Variants in RNF6 observed in about 807,000 individuals in gnomAD.
RNF6 encodes E3 ubiquitin-protein ligase RNF6.
In RNF6, 21 loss-of-function variants were observed where a neutral mutation model predicts 50.1. The observed-to-expected ratio is 0.42, with a 90% confidence interval of 0.30 to 0.60. The LOEUF (loss-of-function observed/expected upper bound fraction) is 0.60, where lower values mean the gene tolerates loss of function less well. RNF6 is among the 20% of genes least tolerant of loss of function. The pLI is 0.20. For synonymous variants in RNF6, 255 were observed against 291.8 expected (o/e 0.87, Z 1.29); for missense variants, 698 against 838.2 (o/e 0.83, Z 2.07).
chr13:26,206,212 G>A (rs554312819), intron 5 of RNF6, among the ~76,000 whole-genome samples: 2 of 118,016 alleles, frequency 1.7e-5, no homozygotes, highest in East Asian at 2.7e-4. Context: ...ACTGCCCCCC[G>A]TCCCTGCTGG....
intron 5 of RNF6, among the ~76,000 whole-genome samples, chr13:26,188,623 C>CTTTTTTTTTTTTTTTTTTTTTT (rs1163881143): frequency 2.3e-5 from 1 of 43,258 alleles, no homozygotes; most frequent in Non-Finnish European, 3.9e-5. Flanking sequence ...GTCAAAAGAG[C>CTTTTTTTTTTTTTTTTTTTTTT]TTTTTTTTTT....
intron 5 of RNF6, among the ~76,000 whole-genome samples, chr13:26,173,103 C>T (rs943722213): frequency 3.9e-5 from 6 of 152,138 alleles, no homozygotes; most frequent in Non-Finnish European, 8.8e-5. Context: ...GGCAAGACCA[C>T]GGTGAGGTAG....
intron 5 of RNF6, among the ~76,000 whole-genome samples, chr13:26,156,104 C>G (rs899824921): frequency 2.0e-5 from 3 of 152,160 alleles, no homozygotes; most frequent in Non-Finnish European, 4.4e-5. Flanking sequence ...CAAAACCTAA[C>G]TTAAAAGAAA....
At chr13:26,212,386 T>C (rs1249348531), downstream of RNF6, among the ~76,000 whole-genome samples, 5 of 152,170 alleles carry the variant, frequency 3.3e-5, no homozygotes, top group Admixed American at 3.3e-4. Context: ...TCCATGTAAA[T>C]GCACTCCTTA....
chr13:26,159,572 C>T (rs1341332974), intron 5 of RNF6, among the ~76,000 whole-genome samples: 1 of 151,820 alleles, frequency 6.6e-6, no homozygotes, highest in East Asian at 1.9e-4. Flanking sequence ...TTGCAGTGAG[C>T]AGAGAACACG....
At chr13:26,183,130 C>G (rs898418660) in intron 5 of RNF6, among the ~76,000 whole-genome samples, 1 of 152,134 alleles carries the variant, frequency 6.6e-6, no homozygotes, top group Admixed American at 6.6e-5. Flanking sequence ...CTATTCAAGT[C>G]AAAAAGACAT....
chr13:26,211,971 G>A (rs932255738), downstream of RNF6, among the ~76,000 whole-genome samples: 2 of 152,162 alleles, frequency 1.3e-5, no homozygotes, highest in African/African-American at 4.8e-5. Flanking sequence ...ACCAAACAAC[G>A]TCTTTTTTTA....
At chr13:26,188,283 A>C (rs899222200) in intron 5 of RNF6, among the ~76,000 whole-genome samples, 2 of 152,188 alleles carry the variant, frequency 1.3e-5, no homozygotes, top group Admixed American at 6.5e-5. Flanking sequence ...CAAGGGAGGC[A>C]ATTATAACAA....
intron 5 of RNF6, among the ~76,000 whole-genome samples, chr13:26,151,738 A>G (rs1158357378): frequency 6.6e-6 from 1 of 151,770 alleles, no homozygotes; most frequent in African/African-American, 2.4e-5. Flanking sequence ...AATATGAGAA[A>G]TAAAGTTCCC....
Position 26,166,017 on chromosome 13 carries a change from C to G in RNF6, n.769-33566G>C, listed in dbSNP as rs139284595. 6.8e-3 allele frequency among the ~76,000 whole-genome samples: 1,037 copies of G among 152,226 alleles called. 37 individuals are homozygous for G. Among genetic ancestry groups the G allele is most frequent in the Admixed American group, 0.061 (938 of 15,286 alleles). ...GGAATGTTATGGTTTGGCTGTGTCC[C>G]CACCTAAATCTCATCTTGAATTCCC... On this transcript the variant is annotated intron_variant and non_coding_transcript_variant, in intron 5 of 5. Transcript: ENST00000468480.
rs751642888 is a variant in RNF6 at position 26,214,513 on chromosome 13, C to T, written c.1369G>A (p.Val457Ile). 2 of 1,614,180 alleles carry T rather than the reference C, an allele frequency of 1.2e-6. No individual in the cohort carries two copies. Among genetic ancestry groups the T allele is most frequent in the Admixed American group, 3.3e-5 (2 of 60,026 alleles). ...RLERSGIRTY[V>I]STITVPLRRI... is the part of the protein sequence containing the mutation. ...CGAAGAGGAACTGTTATGGTACTAACATAGGTTCGAATACCTGACCGCTCT... is the reference window on the plus strand; with the variant it reads ...CGAAGAGGAACTGTTATGGTACTAATATAGGTTCGAATACCTGACCGCTCT... The change falls in exon 5 of 5, where the codon GTT becomes ATT. Residue 457 changes from valine to isoleucine, a missense_variant. Coordinates refer to ENST00000381588, the MANE Select transcript of RNF6 (RefSeq NM_005977.4).
chr13:26,148,451 A>C (rs1317187610), intron 5 of RNF6, among the ~76,000 whole-genome samples: 22 of 151,448 alleles, frequency 1.5e-4, no homozygotes, highest in Non-Finnish European at 8.8e-5. Flanking sequence ...TCTCTTTCCT[A>C]CTGGGAAGAA....
chr13:26,159,499 C>T (rs1872101411), intron 5 of RNF6, among the ~76,000 whole-genome samples: 1 of 151,972 alleles, frequency 6.6e-6, no homozygotes, highest in Non-Finnish European at 1.5e-5. Flanking sequence ...GTGGTGGGCA[C>T]CTGTAGTCCC....
intron 5 of RNF6, among the ~76,000 whole-genome samples, chr13:26,195,871 T>C (rs944819707): frequency 3.3e-5 from 5 of 152,172 alleles, no homozygotes; most frequent in African/African-American, 1.2e-4. Context: ...ATGACCTTAT[T>C]ATTCATTTGA....
chr13:26,148,220 G>A (rs1457275068), intron 5 of RNF6, among the ~76,000 whole-genome samples: 1 of 152,066 alleles, frequency 6.6e-6, no homozygotes, highest in African/African-American at 2.4e-5. Flanking sequence ...CATGAGAAGA[G>A]CATGGGGGAA....
intron 5 of RNF6, among the ~76,000 whole-genome samples, chr13:26,200,768 G>A (rs3891621): frequency 0.49 from 74,854 of 152,036 alleles, 21,800 homozygotes; most frequent in East Asian, 0.7. Flanking sequence ...TAGGGCAATG[G>A]AGGATAGTGT....
At chr13:26,160,258 T>G (rs1254152029) in intron 5 of RNF6, among the ~76,000 whole-genome samples, 1 of 152,212 alleles carries the variant, frequency 6.6e-6, no homozygotes, top group African/African-American at 2.4e-5. Context: ...TTTGAGGGAC[T>G]TCCCATACTA....
At chr13:26,195,078 C>T (rs1868607320) in intron 5 of RNF6, among the ~76,000 whole-genome samples, 2 of 152,160 alleles carry the variant, frequency 1.3e-5, no homozygotes, top group African/African-American at 4.8e-5. Flanking sequence ...ACAGAGCTGG[C>T]TTAAACCCAG....
rs912853125 is a variant in RNF6 at position 26,218,548 on chromosome 13, T to A, written c.252A>T (p.Ala84=). ...TTCCATCTCTCAAGTCAGGCTGAGA[T>A]GCTAGTTGTTCCTTGACGCCATCTA... is the stretch of plus-strand genomic sequence containing the variant. ...QRLDGVKEQL[A]SQPDLRDGTN... Residue 84 remains alanine, a synonymous_variant, in exon 4 of 5, where the codon GCA becomes GCT. Transcript: ENST00000381588. 1.9e-6 allele frequency: 3 copies of A among 1,613,874 alleles called. No homozygotes were observed. The highest frequency in any genetic ancestry group is 2.5e-6 in the Non-Finnish European group (3 of 1,179,908).
Sources: gnomAD v4.1 joint callset for allele counts (sites outside exome capture counted in the v4.1 genomes callset) on GRCh38, gnomAD v4.1.1 for gene constraint, MANE v1.5 for transcripts, NCBI Gene and HGNC (gene_info 2026-07-23, HGNC 2026-07-21) for gene names.